The following HS6ST3 variants were observed in gnomAD, a reference collection of about 807,000 sequenced individuals.
HS6ST3 encodes the protein heparan-sulfate 6-O-sulfotransferase 3.
HS6ST3 carries 12 observed loss-of-function variants against 36.7 expected under a neutral mutation model. The observed-to-expected ratio is 0.33, with a 90% CI of 0.21 to 0.53. The LOEUF is 0.53. HS6ST3 is among the 20% of genes least tolerant of loss of function. The pLI is 0.95. For missense variants in HS6ST3, 584 were observed against 640.9 expected (o/e 0.91, Z 0.96); for synonymous variants, 240 against 257.5 (o/e 0.93, Z 0.65).
chr13:96,312,884 G>A (rs367945417), intron 1 of HS6ST3, among the ~76,000 whole-genome samples: 3 of 149,566 alleles, frequency 2.0e-5, no homozygotes, highest in Non-Finnish European at 1.5e-5. Context: ...CTTGGGGGGC[G>A]GAGGTTGCAG....
intron 1 of HS6ST3, among the ~76,000 whole-genome samples, chr13:96,287,307 T>C (rs1013061922): frequency 6.6e-6 from 1 of 152,174 alleles, no homozygotes; most frequent in Non-Finnish European, 1.5e-5. Flanking sequence ...CAAGGAGTCT[T>C]AACCATAAAA....
intron 1 of HS6ST3, among the ~76,000 whole-genome samples, chr13:96,653,175 T>C (rs760508383): frequency 1.3e-5 from 2 of 152,098 alleles, no homozygotes; most frequent in Non-Finnish European, 2.9e-5. Flanking sequence ...AAACCTCAAC[T>C]GTTGGTTCAT....
intron 1 of HS6ST3, among the ~76,000 whole-genome samples, chr13:96,116,873 C>T (rs541138807): frequency 7.0e-4 from 106 of 152,068 alleles, no homozygotes; most frequent in Non-Finnish European, 9.0e-4. Flanking sequence ...CAGGGAAACT[C>T]GAAGTAGGTA....
At chr13:96,517,999 A>C (rs113958817) in intron 1 of HS6ST3, among the ~76,000 whole-genome samples, 1 of 152,234 alleles carries the variant, frequency 6.6e-6, no homozygotes, top group African/African-American at 2.4e-5. Context: ...AAAATGTGGT[A>C]CATATACACC....
At chr13:96,714,387 A>G (rs946965001) in intron 1 of HS6ST3, among the ~76,000 whole-genome samples, 4 of 152,198 alleles carry the variant, frequency 2.6e-5, no homozygotes, top group African/African-American at 9.7e-5. Flanking sequence ...TCTGATAAAC[A>G]TATGAAAAGA....
At chr13:96,822,371 C>T (rs1878554040) in intron 1 of HS6ST3, among the ~76,000 whole-genome samples, 1 of 152,200 alleles carries the variant, frequency 6.6e-6, no homozygotes, top group Admixed American at 6.5e-5. Flanking sequence ...AGGACCCTCC[C>T]TGGCACATTT....
At chr13:96,162,729 A>G (rs1407457169) in intron 1 of HS6ST3, among the ~76,000 whole-genome samples, 1 of 152,220 alleles carries the variant, frequency 6.6e-6, no homozygotes, top group African/African-American at 2.4e-5. Context: ...CCCATTAAAA[A>G]TTTATCACAG....
At chr13:96,301,917 AT>A (rs1390498969) in intron 1 of HS6ST3, among the ~76,000 whole-genome samples, 1 of 147,400 alleles carries the variant, frequency 6.8e-6, no homozygotes, top group Non-Finnish European at 1.5e-5. Context: ...AATAATAATA[AT>A]AATAATAATA....
chr13:96,137,371 C>T (rs1216674497), intron 1 of HS6ST3, among the ~76,000 whole-genome samples: 1 of 151,606 alleles, frequency 6.6e-6, no homozygotes, highest in African/African-American at 2.4e-5. Context: ...GGTATGAATA[C>T]ATCATTTTTC....
intron 1 of HS6ST3, among the ~76,000 whole-genome samples, chr13:96,145,847 G>T (rs993596871): frequency 7.2e-5 from 11 of 152,262 alleles, no homozygotes; most frequent in African/African-American, 2.6e-4. Flanking sequence ...GTAAGGAAGG[G>T]ATCCAGTTTC....
intron 1 of HS6ST3, among the ~76,000 whole-genome samples, chr13:96,332,485 C>T (rs571566375): frequency 7.2e-5 from 11 of 152,268 alleles, no homozygotes; most frequent in African/African-American, 2.6e-4. Context: ...TGCCAAAGTT[C>T]AGATATGTGG....
chr13:96,379,706 G>A (rs1354916503), intron 1 of HS6ST3, among the ~76,000 whole-genome samples: 1 of 152,122 alleles, frequency 6.6e-6, no homozygotes, highest in Non-Finnish European at 1.5e-5. Flanking sequence ...TGAATCTACT[G>A]GTTATAATTT....
chr13:96,215,757 T>C (rs2054422763), intron 1 of HS6ST3, among the ~76,000 whole-genome samples: 1 of 152,174 alleles, frequency 6.6e-6, no homozygotes, highest in Non-Finnish European at 1.5e-5. Context: ...GTGTCACGGT[T>C]AGGATATGGG....
intron 1 of HS6ST3, among the ~76,000 whole-genome samples, chr13:96,794,546 A>G (rs1367006240): frequency 6.6e-6 from 1 of 152,062 alleles, no homozygotes; most frequent in Non-Finnish European, 1.5e-5. Flanking sequence ...TAAATCTTCT[A>G]TTTGACAAAT....
chr13:96,629,986 C>G (rs2056526455), intron 1 of HS6ST3, among the ~76,000 whole-genome samples: 1 of 152,002 alleles, frequency 6.6e-6, no homozygotes, highest in East Asian at 1.9e-4. Flanking sequence ...TTCATTAATT[C>G]AGGTTCATTA....
At chr13:96,171,024 A>C (rs1490864639) in intron 1 of HS6ST3, among the ~76,000 whole-genome samples, 1 of 152,270 alleles carries the variant, frequency 6.6e-6, no homozygotes, top group Non-Finnish European at 1.5e-5. Flanking sequence ...CATGCTGATA[A>C]GTGGAACTTT....
At chr13:96,814,114 T>C (rs931121277) in intron 1 of HS6ST3, among the ~76,000 whole-genome samples, 1 of 152,194 alleles carries the variant, frequency 6.6e-6, no homozygotes, top group South Asian at 2.1e-4. Flanking sequence ...TCCTTGTAAA[T>C]CTTTTCCTTG....
At chr13:96,452,008 T>A (rs2055730600) in intron 1 of HS6ST3, among the ~76,000 whole-genome samples, 1 of 152,210 alleles carries the variant, frequency 6.6e-6, no homozygotes, top group Admixed American at 6.5e-5. Context: ...CGAAAAATAA[T>A]TTAACATTTT....
intron 1 of HS6ST3, among the ~76,000 whole-genome samples, chr13:96,468,737 C>G (rs766454662): frequency 7.9e-5 from 12 of 152,102 alleles, no homozygotes; most frequent in African/African-American, 2.9e-4. Context: ...CCTGTGGAAG[C>G]TATAATTTAG....
Sources: allele counts gnomAD v4.1 joint callset (sites outside exome capture counted in the v4.1 genomes callset), GRCh38; gene constraint gnomAD v4.1.1; transcripts MANE v1.5; gene names NCBI Gene and HGNC (gene_info 2026-07-23, HGNC 2026-07-21).